HSD17B2: variants seen among roughly 807,000 people sequenced by gnomAD.
HSD17B2 encodes the protein hydroxysteroid 17-beta dehydrogenase 2, also known as 17-beta-hydroxysteroid dehydrogenase type 2.
HSD17B2 carries 32 observed loss-of-function variants against 26.9 expected under a neutral mutation model. That is an observed-to-expected ratio of 1.19 (90% CI 0.90 to 1.60). HSD17B2 has a LOEUF of 1.60. Among genes scored for constraint, HSD17B2 ranks in the 40% most tolerant of loss-of-function variants. HSD17B2 has a pLI of 0.00. For missense variants in HSD17B2, 613 were observed against 468.6 expected, an observed-to-expected ratio of 1.31 and a Z score of -2.85; for synonymous variants, 246 against 186.7, an observed-to-expected ratio of 1.32 and a Z score of -2.59.
intron 4 of HSD17B2, 57 bp downstream of exon 4, chr16:82,091,096 C>T (rs1381715675): frequency 6.4e-7 from 1 of 1,558,866 alleles, no homozygotes; most frequent in Admixed American, 1.7e-5. Flanking sequence ...CCCCGAAGGT[C>T]CTCTTGGTCT....
At chr16:82,071,869 G>T (rs1914706161) in intron 3 of HSD17B2, 1 of 152,844 alleles carries the variant, frequency 6.5e-6, no homozygotes, top group Admixed American at 6.5e-5. Flanking sequence ...GAAGCCAAAG[G>T]GATGGGCTCT....
chr16:82,052,016 G>C (rs1217869843), intron 1 of HSD17B2, among the ~76,000 whole-genome samples: 1 of 152,226 alleles, frequency 6.6e-6, no homozygotes, highest in Non-Finnish European at 1.5e-5. Context: ...GGATCACACT[G>C]TGCCGTCAGT....
At chr16:82,078,065 A>G (rs1904312046) in intron 3 of HSD17B2, among the ~76,000 whole-genome samples, 1 of 152,230 alleles carries the variant, frequency 6.6e-6, no homozygotes, top group Non-Finnish European at 1.5e-5. Context: ...CTGCACAGTG[A>G]AAGATACAAT....
chr16:82,049,951 TG>T (rs894202007), intron 1 of HSD17B2, among the ~76,000 whole-genome samples: 4 of 152,180 alleles, frequency 2.6e-5, no homozygotes, highest in African/African-American at 9.7e-5. Flanking sequence ...AGAATCACCT[TG>T]GGGCTTTTAA....
chr16:82,046,096 G>C (rs532525522), intron 1 of HSD17B2, among the ~76,000 whole-genome samples: 2 of 152,374 alleles, frequency 1.3e-5, no homozygotes, highest in South Asian at 4.1e-4. Context: ...ATTGATGTGA[G>C]CCGTGGCTGG....
chr16:82,076,822 C>T (rs1567589210), intron 3 of HSD17B2, among the ~76,000 whole-genome samples: 1 of 152,124 alleles, frequency 6.6e-6, no homozygotes. Context: ...TTGTGATTTG[C>T]CTGCCTCAGC....
intron 3 of HSD17B2, chr16:82,071,356 G>C (rs952665003): frequency 3.4e-6 from 2 of 584,568 alleles, no homozygotes; most frequent in Non-Finnish European, 6.2e-6. Context: ...TTGTTACTGG[G>C]GATTTAGGGT....
At chr16:82,046,293 T>A (rs1181124811) in intron 1 of HSD17B2, among the ~76,000 whole-genome samples, 1 of 152,124 alleles carries the variant, frequency 6.6e-6, no homozygotes, top group Non-Finnish European at 1.5e-5. Flanking sequence ...AAAACCCTCA[T>A]GGCCAGGACA....
intron 1 of HSD17B2, chr16:82,044,258 T>C (rs914208799): frequency 3.9e-5 from 6 of 152,222 alleles, no homozygotes; most frequent in Admixed American, 1.3e-4. Context: ...CCACATGCTG[T>C]TGCTTTGTTT....
rs559908287 is a variant in HSD17B2 at position 82,081,951 on chromosome 16, C to T, written c.665-8951C>T. Among the ~76,000 whole-genome samples the T allele has an allele frequency of 1.5e-4, 23 of 152,220 alleles. 1 individual carries two copies. In the South Asian group the frequency reaches 3.7e-3, roughly 25 times the overall value. ...TGAGATCATATCCTTTGCAGGGACA[C>T]GGATGGAGCTGGAAGCCATTATCCT... is the stretch of plus-strand genomic sequence containing the variant. On this transcript the variant is annotated intron_variant, in intron 3 of 4. Coordinates refer to ENST00000199936, the MANE Select transcript of HSD17B2 (RefSeq NM_002153.3).
chr16:82,050,531 CT>C (rs1301412129), intron 1 of HSD17B2, among the ~76,000 whole-genome samples: 3 of 152,100 alleles, frequency 2.0e-5, no homozygotes, highest in African/African-American at 7.2e-5. Context: ...GGTTGAGTGT[CT>C]TTTTCTGGCT....
chr16:82,062,412 T>G lies in HSD17B2; in HGVS notation c.266-5758T>G, dbSNP rs16956349. Among the ~76,000 whole-genome samples the G allele has an allele frequency of 3.8e-3, 574 of 152,330 alleles. 3 individuals are homozygous for G. Among genetic ancestry groups the G allele is most frequent in the African/African-American group, 0.013 (556 of 41,576 alleles). ...CTAGTGACAAAGGACCCTCTCTCAGTTTGTAAGGCACAAATATTCTAGTGC... is the reference window on the plus strand; with the variant it reads ...CTAGTGACAAAGGACCCTCTCTCAGGTTGTAAGGCACAAATATTCTAGTGC... On this transcript the variant is annotated intron_variant, in intron 1 of 4. Transcript: ENST00000199936.
In HSD17B2 at chr16:82,069,026, T is replaced by G. The variant is rs8191142; in HGVS notation, c.478+644T>G. ...ACAGATCCAGCCATCCTGTAAGTAC[T>G]GAGCCCAGGATTCATTAGCTATTAT... On this transcript the variant is annotated intron_variant, in intron 2 of 4. Coordinates refer to ENST00000199936, the MANE Select transcript of HSD17B2 (RefSeq NM_002153.3). Among the ~76,000 whole-genome samples the G allele has an allele frequency of 7.6e-4, 116 of 152,334 alleles. 2 individuals are homozygous for G. The East Asian group carries it at 0.019, about 24-fold the overall frequency.
intron 1 of HSD17B2, among the ~76,000 whole-genome samples, chr16:82,041,071 T>C (rs1019657387): frequency 2.0e-5 from 3 of 152,206 alleles, no homozygotes; most frequent in East Asian, 1.9e-4. Flanking sequence ...TTGTGAAAGT[T>C]TGAACAATGA....
chr16:82,035,758 T>G, intron 1 of HSD17B2, 69 bp downstream of exon 1: 6 of 1,494,142 alleles, frequency 4.0e-6, no homozygotes, highest in South Asian at 3.7e-5. Context: ...AGCAGGACTT[T>G]GTCAAATCTG....
chr16:82,083,795 TAC>T (rs1431448236), intron 3 of HSD17B2, among the ~76,000 whole-genome samples: 13 of 152,278 alleles, frequency 8.5e-5, no homozygotes, highest in East Asian at 3.9e-4. Context: ...TGACCATGTC[TAC>T]TACAGGAGAC....
chr16:82,070,668 C>A (rs947764153), intron 2 of HSD17B2: 11 of 448,744 alleles, frequency 2.5e-5, no homozygotes, highest in African/African-American at 2.0e-4. Flanking sequence ...CCTTAATTTG[C>A]AATACCTGCT....
intron 4 of HSD17B2, chr16:82,092,545 G>C (rs1044083251): frequency 6.6e-6 from 1 of 152,228 alleles, no homozygotes; most frequent in African/African-American, 2.4e-5. Flanking sequence ...ATTTTGGCTT[G>C]AAACACTTGA....
rs769675936 is a variant in HSD17B2 at position 82,066,435 on chromosome 16, G to A, written c.266-1735G>A. Among the ~76,000 whole-genome samples, 96 of 151,952 alleles carry A rather than the reference G, an allele frequency of 6.3e-4. 1 individual carries two copies. Among genetic ancestry groups the A allele is most frequent in the Non-Finnish European group, 2.4e-4 (16 of 67,936 alleles). On this transcript the variant is annotated intron_variant, in intron 1 of 4. Coordinates refer to ENST00000199936, the MANE Select transcript of HSD17B2 (RefSeq NM_002153.3). ...GGCAGTGTTCGCACATGCCAACCAT[G>A]CTAGGATCTCTCTCTCTTCCACCTT...
Sources: allele counts gnomAD v4.1 joint callset (sites outside exome capture counted in the v4.1 genomes callset), GRCh38; gene constraint gnomAD v4.1.1; transcripts MANE v1.5; gene names NCBI Gene and HGNC (gene_info 2026-07-23, HGNC 2026-07-21).